Variants in MORC3 observed in about 807,000 individuals in gnomAD.
The protein encoded by MORC3 is MORC family CW-type zinc finger protein 3.
MORC3 carries 31 observed loss-of-function variants against 109.1 expected under a neutral mutation model. That is an observed-to-expected ratio of 0.28 (90% CI 0.21 to 0.38). The LOEUF (loss-of-function observed/expected upper bound fraction) is 0.38. MORC3 is among the 10% of genes least tolerant of loss of function. The pLI is 1.00. For missense variants in MORC3, 867 were observed against 1,135.8 expected, an observed-to-expected ratio of 0.76 and a Z score of 3.40; for synonymous variants, 395 against 380.7, an observed-to-expected ratio of 1.04 and a Z score of -0.44.
rs370616843 is a variant in MORC3, at chr21:36,337,769, G to A, written c.283G>A (p.Val95Ile). 4.6e-5 allele frequency: 75 copies of A among 1,614,022 alleles called. No homozygotes were observed. In the East Asian group the frequency reaches 1.2e-3, roughly 25 times the overall value. ...FSDKVTMNGH[V>I]PVGLYGNGFK... is the part of the protein sequence containing the mutation. The stretch of plus-strand genomic sequence containing the variant: ...TGACAAAGTCACCATGAATGGTCAT[G>A]TCCCAGTTGGATTATATGGGAATGG... Residue 95 changes from valine to isoleucine, a missense_variant, in exon 4 of 17, where the codon GTC (valine) becomes ATC (isoleucine). By Grantham distance (29) the Val-to-Ile change is conservative. Transcript: ENST00000400485.
At chr21:36,360,419 T>C (rs538280122) in intron 12 of MORC3, among the ~76,000 whole-genome samples, 161 bp downstream of exon 12, 52 of 152,338 alleles carry the variant, frequency 3.4e-4, no homozygotes, top group East Asian at 9.6e-4. Flanking sequence ...CAAAAACTTA[T>C]GCTGTGGATA....
In MORC3 at chr21:36,369,379, T is replaced by A; in HGVS notation, c.2011T>A (p.Cys671Ser). The stretch of plus-strand genomic sequence containing the variant: ...AAATGATGCAGTGATTCTGCCCTCC[T>A]GTGTAGAAGCTGAAGCAAAGATACA... The part of the protein sequence containing the change: ...VRNDAVILPS[C>S]VEAEAKIHET... Residue 671 changes from cysteine (C) to serine (S), a missense_variant, in exon 15 of 17, where the codon TGT becomes AGT. Physicochemically the swap from Cys to Ser is moderately radical, Grantham distance 112. Coordinates refer to ENST00000400485, the MANE Select transcript of MORC3 (RefSeq NM_015358.3). The A allele has an allele frequency of 6.2e-7, 1 of 1,614,144 alleles. No individual in the cohort carries two copies. Among genetic ancestry groups the A allele is most frequent in the Non-Finnish European group, 8.5e-7 (1 of 1,180,032 alleles).
chr21:36,369,971 A>C (rs2085835876), intron 15 of MORC3, 95 bp downstream of exon 15: 2 of 1,433,478 alleles, frequency 1.4e-6, no homozygotes, highest in Admixed American at 2.1e-5. Context: ...TCATACCTGT[A>C]ATCCCACCAC....
chr21:36,372,944 G>A (rs1001666948), intron 16 of MORC3, among the ~76,000 whole-genome samples: 2 of 152,150 alleles, frequency 1.3e-5, no homozygotes, highest in African/African-American at 4.8e-5. Context: ...TTTATGGCTT[G>A]CTGTCCTTAT....
chr21:36,372,555 G>T, intron 16 of MORC3, 24 bp downstream of exon 16: 1 of 1,557,474 alleles, frequency 6.4e-7, no homozygotes, highest in Non-Finnish European at 8.6e-7. Flanking sequence ...AGGCGTTTTT[G>T]TGGGGCTGCA....
intron 8 of MORC3, among the ~76,000 whole-genome samples, chr21:36,347,709 T>A (rs1415768634): frequency 1.3e-5 from 2 of 152,180 alleles, no homozygotes; most frequent in East Asian, 3.8e-4. Flanking sequence ...GAGAAAGTGT[T>A]GATTGAAATG....
At chr21:36,344,082 A>G (rs895911317) in intron 6 of MORC3, among the ~76,000 whole-genome samples, 4 of 152,090 alleles carry the variant, frequency 2.6e-5, no homozygotes, top group African/African-American at 7.2e-5. Context: ...TTTGAAATCA[A>G]GAGTCAGGAA....
At chr21:36,333,774 TTTTTG>T (rs1345357802) in intron 2 of MORC3, 56 bp downstream of exon 2, 4 of 1,395,938 alleles carry the variant, frequency 2.9e-6, no homozygotes, top group South Asian at 1.2e-5. Flanking sequence ...AGTGTTTTTT[TTTTTG>T]TTTTGTTTTG....
intron 9 of MORC3, among the ~76,000 whole-genome samples, chr21:36,353,321 C>T (rs538661211): frequency 8.6e-6 from 1 of 116,618 alleles, no homozygotes; most frequent in African/African-American, 3.3e-5. Context: ...TGAGCCACTA[C>T]ATTCCAGTTT....
rs2236433 is a variant in MORC3, at chr21:36,320,291, A to G, written c.27A>G (p.Ile9Met). MAAQPPRG[I>M]RLSALCPKFL... ...TGGCGGCGCAGCCACCCCGCGGGAT[A>G]CGCCTCAGCGCGGTGAGCAGCCGCG... is the stretch of plus-strand genomic sequence containing the variant. Residue 9 changes from isoleucine (I) to methionine (M), a missense_variant, in exon 1 of 17, where the codon ATA (isoleucine) becomes ATG (methionine). Physicochemically the swap from Ile to Met is conservative, Grantham distance 10 (BLOSUM62 1). Coordinates refer to ENST00000400485, the MANE Select transcript of MORC3 (RefSeq NM_015358.3). 6 of 1,557,744 alleles carry G rather than the reference A, an allele frequency of 3.9e-6. No individual in the cohort carries two copies. Among genetic ancestry groups the G allele is most frequent in the East Asian group, 4.9e-5 (2 of 40,928 alleles).
At chr21:36,364,050 CTAGAAA>C (rs2146333605) in intron 13 of MORC3, 37 bp from the exon 14 acceptor site, 1 of 1,584,006 alleles carries the variant, frequency 6.3e-7, no homozygotes, top group Non-Finnish European at 8.6e-7. Context: ...GCATGTCACA[CTAGAAA>C]TAGTTCCTTT....
At chr21:36,328,684 C>T (rs573273830) in intron 1 of MORC3, among the ~76,000 whole-genome samples, 4 of 151,986 alleles carry the variant, frequency 2.6e-5, no homozygotes, top group African/African-American at 4.8e-5. Context: ...ACCATGTCAA[C>T]GAGGCTGGTC....
At chr21:36,362,048 C>A in intron 12 of MORC3, 135 bp from the exon 13 acceptor site, 1 of 950,732 alleles carries the variant, frequency 1.1e-6, no homozygotes, top group Admixed American at 2.3e-5. Flanking sequence ...GAAAGTATTT[C>A]CTGAAGGGCT....
At chr21:36,320,771 A>G (rs754036887) in intron 1 of MORC3, 15 of 161,146 alleles carry the variant, frequency 9.3e-5, no homozygotes, top group Non-Finnish European at 1.8e-4. Context: ...GAGTGGAGTC[A>G]GGATGAGTGT....
At chr21:36,370,731 C>T (rs1287133280) in intron 15 of MORC3, among the ~76,000 whole-genome samples, 1 of 142,032 alleles carries the variant, frequency 7.0e-6, no homozygotes, top group Non-Finnish European at 1.5e-5. Flanking sequence ...GTGCAGTGGC[C>T]CAATCTCGGC....
intron 1 of MORC3, 53 bp from the exon 2 acceptor site, chr21:36,333,593 A>T: frequency 6.8e-7 from 1 of 1,460,052 alleles, no homozygotes. Context: ...ACTGGTTTTT[A>T]TTTTCAAAAG....
intron 9 of MORC3, among the ~76,000 whole-genome samples, chr21:36,354,663 C>T (rs2085625317): frequency 6.6e-6 from 1 of 152,198 alleles, no homozygotes; most frequent in South Asian, 2.1e-4. Context: ...CTGTCTGCTT[C>T]AGTTTCAGTG....
At chr21:36,329,281 C>T (rs112218422) in intron 1 of MORC3, among the ~76,000 whole-genome samples, 6 of 150,222 alleles carry the variant, frequency 4.0e-5, no homozygotes, top group Non-Finnish European at 5.9e-5. Context: ...GGCAACAGAG[C>T]GAGACTCCAT....
rs918529526 is a variant in MORC3 at position 36,352,401 on chromosome 21, G to A, written c.1103+2993G>A. Among the ~76,000 whole-genome samples, 14 of 116,542 alleles carry A rather than the reference G, an allele frequency of 1.2e-4. 1 individual carries two copies. The highest frequency in any genetic ancestry group is 2.2e-4 in the African/African-American group (7 of 32,344). The allele number at this position is 116,542 out of a possible 152,430, so 76.5% of individuals were successfully genotyped here. On this transcript the variant is annotated intron_variant, in intron 9 of 16. Coordinates refer to ENST00000400485, the MANE Select transcript of MORC3 (RefSeq NM_015358.3). ...TAATAAGGCCAAAAAAAAGGGGTGG[G>A]GGGGGGCAGGTTGAAAAGGAAGACA...
Sources: gnomAD v4.1 joint callset for allele counts (sites outside exome capture counted in the v4.1 genomes callset) on GRCh38, gnomAD v4.1.1 for gene constraint, MANE v1.5 for transcripts, NCBI Gene and HGNC (gene_info 2026-07-23, HGNC 2026-07-21) for gene names.